The following PDE10A variants were observed in gnomAD, a reference collection of about 807,000 sequenced individuals.
PDE10A encodes the protein phosphodiesterase 10A.
PDE10A carries 39 observed loss-of-function variants against 97.7 expected under a neutral mutation model. That is an observed-to-expected ratio of 0.40 (90% CI 0.31 to 0.52). The LOEUF (loss-of-function observed/expected upper bound fraction) is 0.52, where lower values mean the gene tolerates loss of function less well. PDE10A is among the 20% of genes least tolerant of loss of function. The probability of loss-of-function intolerance (pLI) is 0.56; values close to 1 mark genes in which losing one functional copy is unlikely to be tolerated. For synonymous variants in PDE10A, 371 were observed against 376.8 expected, an observed-to-expected ratio of 0.98 and a Z score of 0.18; for missense variants, 731 against 1,047.8, an observed-to-expected ratio of 0.70 and a Z score of 4.17.
chr6:165,669,732 C>T (rs929856675), intron 1 of PDE10A, among the ~76,000 whole-genome samples: 24 of 152,140 alleles, frequency 1.6e-4, no homozygotes, highest in Admixed American at 3.9e-4. Flanking sequence ...CCAGAGATCT[C>T]TACCCGGGAA....
intron 1 of PDE10A, among the ~76,000 whole-genome samples, chr6:165,694,436 G>A (rs115673136): frequency 0.016 from 2,490 of 152,276 alleles, 66 homozygotes; most frequent in African/African-American, 0.057. Context: ...GCAGAGCAGC[G>A]GTCAGATGCA....
chr6:165,436,698 A>C (rs1172368426), intron 5 of PDE10A, among the ~76,000 whole-genome samples: 1 of 152,194 alleles, frequency 6.6e-6, no homozygotes, highest in African/African-American at 2.4e-5. Flanking sequence ...ACACTTATGG[A>C]TTAAAAAATT....
intron 1 of PDE10A, among the ~76,000 whole-genome samples, chr6:165,563,104 T>C (rs145781787): frequency 1.2e-3 from 172 of 146,476 alleles, no homozygotes; most frequent in South Asian, 8.0e-3. Flanking sequence ...ATAATTTCAG[T>C]ACTTATTATA....
intron 20 of PDE10A, among the ~76,000 whole-genome samples, chr6:165,338,763 G>A (rs1200122789): frequency 1.3e-5 from 2 of 152,104 alleles, no homozygotes; most frequent in African/African-American, 2.4e-5. Flanking sequence ...TTACTGCAAC[G>A]GCAGCTGTAG....
chr6:165,651,192 G>A (rs994295551), intron 1 of PDE10A, among the ~76,000 whole-genome samples: 14 of 152,268 alleles, frequency 9.2e-5, no homozygotes, highest in East Asian at 1.9e-4. Context: ...AATGTCACAG[G>A]TGCCATTTTC....
chr6:165,367,593 C>T (rs767315699), intron 18 of PDE10A, among the ~76,000 whole-genome samples: 13 of 151,418 alleles, frequency 8.6e-5, no homozygotes, highest in Non-Finnish European at 1.0e-4. Flanking sequence ...ACTGTAAAAG[C>T]GGTCAGGGTA....
intron 1 of PDE10A, among the ~76,000 whole-genome samples, chr6:165,789,456 G>A (rs1778586360): frequency 6.6e-6 from 1 of 152,140 alleles, no homozygotes; most frequent in Non-Finnish European, 1.5e-5. Context: ...GAATAAATTT[G>A]TGAATCGTTC....
chr6:165,845,178 G>C (rs995751252), intron 1 of PDE10A, among the ~76,000 whole-genome samples: 2 of 152,218 alleles, frequency 1.3e-5, no homozygotes, highest in African/African-American at 4.8e-5. Context: ...CAGGGCATGT[G>C]TGTGATGAAA....
chr6:165,830,613 T>C (rs1439024935), intron 1 of PDE10A, among the ~76,000 whole-genome samples: 3 of 152,302 alleles, frequency 2.0e-5, no homozygotes, highest in Non-Finnish European at 2.9e-5. Context: ...GCTGAAACGC[T>C]GCATCTTAGG....
chr6:165,559,490 T>G lies in PDE10A; in HGVS notation c.866-15922A>C, dbSNP rs148347495. On this transcript the variant is annotated intron_variant, in intron 1 of 21. Coordinates refer to ENST00000539869, the MANE Select transcript of PDE10A (RefSeq NM_001385079.1). The stretch of plus-strand genomic sequence containing the variant: ...TACATACTGTCTCATTAGAAATATT[T>G]TTAATTCATTCTAGAACAATTTGAA... 4.6e-3 allele frequency among the ~76,000 whole-genome samples: 698 copies of G among 152,364 alleles called. 6 individuals carry two copies. The highest frequency in any genetic ancestry group is 0.016 in the African/African-American group (672 of 41,582).
chr6:165,760,077 G>C (rs1250008878), intron 1 of PDE10A, among the ~76,000 whole-genome samples: 1 of 152,174 alleles, frequency 6.6e-6, no homozygotes, highest in Non-Finnish European at 1.5e-5. Flanking sequence ...AAAATGGATA[G>C]AATTTAATGC....
intron 13 of PDE10A, among the ~76,000 whole-genome samples, chr6:165,410,507 T>C: frequency 6.6e-6 from 1 of 151,942 alleles, no homozygotes. Context: ...CATTCTGTGG[T>C]ATTAGACTGG....
chr6:165,776,741 G>T (rs1376352134), intron 1 of PDE10A, among the ~76,000 whole-genome samples: 2 of 152,156 alleles, frequency 1.3e-5, no homozygotes, highest in African/African-American at 4.8e-5. Flanking sequence ...AATCAAGGAG[G>T]TCTGGTCCTT....
At chr6:165,648,024 T>C (rs1196014805) in intron 1 of PDE10A, among the ~76,000 whole-genome samples, 1 of 152,104 alleles carries the variant, frequency 6.6e-6, no homozygotes, top group African/African-American at 2.4e-5. Flanking sequence ...TTCTTTTTTC[T>C]TTTTTTTGAG....
intron 1 of PDE10A, among the ~76,000 whole-genome samples, chr6:165,712,788 C>T (rs1482877465): frequency 2.0e-5 from 3 of 151,742 alleles, no homozygotes; most frequent in Non-Finnish European, 2.9e-5. Flanking sequence ...TACAGGCGCC[C>T]GCCACCACGC....
chr6:165,756,865 G>C (rs1793128354), intron 1 of PDE10A, among the ~76,000 whole-genome samples: 1 of 152,056 alleles, frequency 6.6e-6, no homozygotes, highest in Admixed American at 6.5e-5. Context: ...CAGTGAGGGA[G>C]AACGAGTATA....
chr6:165,424,672 A>G (rs1788988288), intron 10 of PDE10A, among the ~76,000 whole-genome samples: 1 of 152,206 alleles, frequency 6.6e-6, no homozygotes, highest in Non-Finnish European at 1.5e-5. Context: ...AGAACCATTG[A>G]GCAATCCGAT....
intron 2 of PDE10A, among the ~76,000 whole-genome samples, chr6:165,493,745 CT>C (rs1229392266): frequency 6.6e-6 from 1 of 151,984 alleles, no homozygotes; most frequent in African/African-American, 2.4e-5. Context: ...TGGAAAAACC[CT>C]ACTAGACACT....
intron 1 of PDE10A, among the ~76,000 whole-genome samples, chr6:165,790,554 T>C (rs1411332874): frequency 6.6e-6 from 1 of 152,190 alleles, no homozygotes; most frequent in Non-Finnish European, 1.5e-5. Context: ...TGAATTCTTA[T>C]CTTCTCGGCA....
Sources: gnomAD v4.1 joint callset for allele counts (sites outside exome capture counted in the v4.1 genomes callset) on GRCh38, gnomAD v4.1.1 for gene constraint, MANE v1.5 for transcripts, NCBI Gene and HGNC (gene_info 2026-07-23, HGNC 2026-07-21) for gene names.